XKR4: variants seen among roughly 807,000 people sequenced by gnomAD.
XKR4 encodes the protein XK related 4.
XKR4 carries 12 observed loss-of-function variants against 53.9 expected under a neutral mutation model. That is an observed-to-expected ratio of 0.22 (90% CI 0.14 to 0.36). XKR4 has a LOEUF of 0.36. Ranked by LOEUF, XKR4 falls within the 10% of genes least tolerant of loss-of-function variation. The pLI is 1.00. For missense variants in XKR4, 799 were observed against 859.5 expected (o/e 0.93, Z 0.88); for synonymous variants, 354 against 362.4 (o/e 0.98, Z 0.26).
intron 1 of XKR4, among the ~76,000 whole-genome samples, chr8:55,154,267 AT>A: frequency 6.6e-6 from 1 of 152,308 alleles, no homozygotes; most frequent in South Asian, 2.1e-4. Flanking sequence ...GTTATGCTAT[AT>A]ATGACAATTT....
At chr8:55,313,509 G>A (rs1305077563) in intron 1 of XKR4, among the ~76,000 whole-genome samples, 3 of 152,200 alleles carry the variant, frequency 2.0e-5, no homozygotes, top group African/African-American at 7.2e-5. Flanking sequence ...AGCATGCATG[G>A]TCTTTGGCCA....
At position 55,430,737 on chromosome 8, in the gene XKR4, G is replaced by A. The variant is rs575724016; in HGVS notation, c.1006+72860G>A. Among the ~76,000 whole-genome samples, 21 of 152,320 alleles carry A rather than the reference G, an allele frequency of 1.4e-4. No homozygotes were observed. The South Asian group carries it at 3.9e-3, about 29-fold the overall frequency. ...TGGAGTGTGGAAGTCTGAGATGAAG[G>A]TGTAGGTAAGGTTGGTTTCTTCTGA... On this transcript the variant is annotated intron_variant, in intron 2 of 2. Transcript: ENST00000327381.
chr8:55,426,049 C>T (rs1023198781), intron 2 of XKR4, among the ~76,000 whole-genome samples: 1 of 152,214 alleles, frequency 6.6e-6, no homozygotes, highest in African/African-American at 2.4e-5. Flanking sequence ...ATACTGCTTT[C>T]AGTTCCCTGG....
intron 1 of XKR4, among the ~76,000 whole-genome samples, chr8:55,235,607 C>T (rs1363560298): frequency 6.6e-6 from 1 of 152,156 alleles, no homozygotes; most frequent in Non-Finnish European, 1.5e-5. Context: ...TTTACAAGAA[C>T]ATTACCTTTC....
At chr8:55,436,857 G>A (rs1805184434) in intron 2 of XKR4, among the ~76,000 whole-genome samples, 1 of 152,110 alleles carries the variant, frequency 6.6e-6, no homozygotes, top group South Asian at 2.1e-4. Flanking sequence ...TATCACAGAG[G>A]GCCCGGTAGC....
chr8:55,250,767 T>TAAAA (rs1166960903), intron 1 of XKR4, among the ~76,000 whole-genome samples: 1 of 152,208 alleles, frequency 6.6e-6, no homozygotes, highest in Non-Finnish European at 1.5e-5. Flanking sequence ...AATGTTCAAT[T>TAAAA]AAAATAGAAG....
At chr8:55,262,936 C>T (rs1357432243) in intron 1 of XKR4, among the ~76,000 whole-genome samples, 1 of 152,158 alleles carries the variant, frequency 6.6e-6, no homozygotes, top group Non-Finnish European at 1.5e-5. Context: ...AAATCTTTTC[C>T]TACAAGAATA....
At chr8:55,172,068 G>T (rs894750912) in intron 1 of XKR4, among the ~76,000 whole-genome samples, 1 of 152,198 alleles carries the variant, frequency 6.6e-6, no homozygotes, top group East Asian at 1.9e-4. Flanking sequence ...ACAAAAATTA[G>T]CTGGGCGTGG....
intron 1 of XKR4, among the ~76,000 whole-genome samples, chr8:55,301,595 A>T (rs1161510716): frequency 6.6e-6 from 1 of 152,308 alleles, no homozygotes; most frequent in Non-Finnish European, 1.5e-5. Flanking sequence ...TGGTGGAACT[A>T]GTTTACAGTC....
intron 1 of XKR4, among the ~76,000 whole-genome samples, chr8:55,273,462 T>G (rs922506363): frequency 6.6e-6 from 1 of 152,158 alleles, no homozygotes; most frequent in Non-Finnish European, 1.5e-5. Flanking sequence ...TTTGTAAGAC[T>G]AACATTAGCC....
intron 2 of XKR4, among the ~76,000 whole-genome samples, chr8:55,486,559 T>C (rs1214098391): frequency 6.6e-6 from 1 of 152,262 alleles, no homozygotes. Flanking sequence ...GCATAGCCAG[T>C]TGGCATTATG....
At chr8:55,179,002 T>C (rs1035107214) in intron 1 of XKR4, among the ~76,000 whole-genome samples, 1 of 152,164 alleles carries the variant, frequency 6.6e-6, no homozygotes, top group Non-Finnish European at 1.5e-5. Flanking sequence ...TAGGGAAATA[T>C]GAATGATAGT....
chr8:55,155,493 A>G (rs570924818), intron 1 of XKR4, among the ~76,000 whole-genome samples: 1 of 152,314 alleles, frequency 6.6e-6, no homozygotes, highest in African/African-American at 2.4e-5. Flanking sequence ...GATGTTGTAA[A>G]AACAGGAACG....
Position 55,539,454 on chromosome 8 carries a change from T to C in XKR4, c.*15227T>C, listed in dbSNP as rs564206166. 19 of 152,332 alleles carry C rather than the reference T, an allele frequency of 1.2e-4. No individual in the cohort carries two copies. In the East Asian group the frequency reaches 3.7e-3, roughly 29 times the overall value. The allele number at this position is 152,332 out of a possible 1,614,324, so 9.4% of individuals were successfully genotyped here. A position where few individuals can be genotyped will look rare whatever the true frequency, so the allele number is the denominator to read the frequency against. ...GATACGCACTCAATATAATCTCTTC[T>C]GGATTCTAAAATCTAATTGGCAGTG... On this transcript the variant is annotated 3_prime_UTR_variant, in exon 3 of 3. Transcript: ENST00000327381.
At chr8:55,268,778 T>G (rs971732024) in intron 1 of XKR4, among the ~76,000 whole-genome samples, 2 of 152,176 alleles carry the variant, frequency 1.3e-5, no homozygotes, top group Non-Finnish European at 2.9e-5. Context: ...CTATTCCTAT[T>G]TTATTAGATG....
chr8:55,295,261 A>G (rs7844897), intron 1 of XKR4, among the ~76,000 whole-genome samples: 54,671 of 152,076 alleles, frequency 0.36, 12,056 homozygotes, highest in Non-Finnish European at 0.49. Flanking sequence ...AATGAATGAC[A>G]TGAGAAAGAC....
At chr8:55,111,144 A>C (rs1459677410) in intron 1 of XKR4, among the ~76,000 whole-genome samples, 1 of 152,188 alleles carries the variant, frequency 6.6e-6, no homozygotes, top group Non-Finnish European at 1.5e-5. Context: ...CAATAGCAGC[A>C]GATTCCAGGC....
chr8:55,169,133 G>C (rs1405126392), intron 1 of XKR4, among the ~76,000 whole-genome samples: 3 of 152,166 alleles, frequency 2.0e-5, no homozygotes, highest in East Asian at 3.9e-4. Context: ...TTAAAATATT[G>C]ACATGATTCA....
At chr8:55,483,872 AAAATG>A (rs367863692) in intron 2 of XKR4, among the ~76,000 whole-genome samples, 252 of 152,278 alleles carry the variant, frequency 1.7e-3, no homozygotes, top group South Asian at 2.7e-3. Context: ...AAAAATAGAG[AAAATG>A]AAATGAAATG....
Sources: gnomAD v4.1 joint callset for allele counts (sites outside exome capture counted in the v4.1 genomes callset) on GRCh38, gnomAD v4.1.1 for gene constraint, MANE v1.5 for transcripts, NCBI Gene and HGNC (gene_info 2026-07-23, HGNC 2026-07-21) for gene names.